The following PFKM variants were observed in gnomAD, a reference collection of about 807,000 sequenced individuals.
The protein encoded by PFKM is ATP-dependent 6-phosphofructokinase, muscle type.
PFKM carries 58 observed loss-of-function variants against 95.5 expected under a neutral mutation model. That is an observed-to-expected ratio of 0.61 (90% CI 0.49 to 0.76). The LOEUF is 0.76. Among genes scored for constraint, PFKM ranks in the 30% least tolerant of loss-of-function variants. The pLI is 0.00. For missense variants in PFKM, 678 were observed against 1,005.4 expected (o/e 0.67, Z 4.40); for synonymous variants, 336 against 357.2 (o/e 0.94, Z 0.67).
At chr12:48,108,275 G>T in intron 3 of PFKM, 1 of 1,312,122 alleles carries the variant, frequency 7.6e-7, no homozygotes, top group East Asian at 2.4e-5. Context: ...TTATAAATCA[G>T]CGTAGACCTA....
chr12:48,107,989 TCATAGGGAAAATGAAAGG>T, intron 2 of PFKM: 2 of 1,425,318 alleles, frequency 1.4e-6, no homozygotes, highest in South Asian at 2.4e-5. Context: ...CAGCTCAGAG[TCATAGGGAAAATGAAAGG>T]GAGTAAGGAA....
intron 10 of PFKM, chr12:48,137,363 A>G (rs1950194489): frequency 3.1e-6 from 1 of 322,146 alleles, no homozygotes; most frequent in African/African-American, 2.2e-5. Context: ...AACCTTAGAC[A>G]CTCAGTTTAA....
intron 20 of PFKM, among the ~76,000 whole-genome samples, chr12:48,144,594 A>G (rs549581184): frequency 6.6e-6 from 1 of 152,284 alleles, no homozygotes; most frequent in Admixed American, 6.5e-5. Context: ...TCTTAATTCA[A>G]AGGAAATCTG....
intron 3 of PFKM, among the ~76,000 whole-genome samples, chr12:48,109,374 C>G (rs1946990815): frequency 6.7e-6 from 1 of 148,372 alleles, no homozygotes; most frequent in South Asian, 2.2e-4. Context: ...CTTTTCTTTC[C>G]TTTTTTCTTT....
intron 11 of PFKM, 44 bp from the exon 12 acceptor site, chr12:48,139,241 A>G: frequency 6.7e-7 from 1 of 1,499,254 alleles, no homozygotes; most frequent in Non-Finnish European, 9.3e-7. Flanking sequence ...GCTGTGCAGA[A>G]TCCTGACCCT....
intron 3 of PFKM, among the ~76,000 whole-genome samples, chr12:48,112,802 G>C (rs929098545): frequency 4.6e-5 from 7 of 152,264 alleles, no homozygotes; most frequent in African/African-American, 1.4e-4. Context: ...AGAGTTTATA[G>C]GTTTTAAAAG....
chr12:48,141,663 T>C, intron 15 of PFKM, 77 bp from the exon 16 acceptor site: 3 of 1,115,196 alleles, frequency 2.7e-6, no homozygotes, highest in Non-Finnish European at 4.1e-6. Context: ...AACTCTAGCT[T>C]TTCTCCCCCT....
chr12:48,105,540 T>C, upstream of PFKM: 1 of 505,412 alleles, frequency 2.0e-6, no homozygotes, highest in Non-Finnish European at 4.0e-6. Context: ...AGTAGGAGAG[T>C]TGGAGAAATG....
At chr12:48,116,742 G>A (rs949439160), upstream of PFKM, among the ~76,000 whole-genome samples, 2 of 152,188 alleles carry the variant, frequency 1.3e-5, no homozygotes, top group African/African-American at 2.4e-5. Flanking sequence ...GCCTCCCAAA[G>A]TGCTGGGATT....
intron 2 of PFKM, chr12:48,125,414 G>C: frequency 7.1e-6 from 3 of 424,852 alleles, no homozygotes; most frequent in Non-Finnish European, 1.4e-5. Flanking sequence ...CCGAGGTTGG[G>C]AGTTCGAGAC....
At chr12:48,141,456 T>C (rs919128036) in intron 15 of PFKM, 75 bp downstream of exon 15, 1 of 1,305,968 alleles carries the variant, frequency 7.7e-7, no homozygotes, top group East Asian at 2.3e-5. Context: ...CATTATGCCA[T>C]GGTCTGCTTC....
At chr12:48,118,181 T>C (rs912315610), upstream of PFKM, among the ~76,000 whole-genome samples, 9 of 152,204 alleles carry the variant, frequency 5.9e-5, no homozygotes, top group Admixed American at 4.6e-4. Flanking sequence ...CATCAACGTC[T>C]GAACTAGTTT....
rs371033104 is a variant in PFKM at position 48,139,279 on chromosome 12, C to A, written c.1063-6C>A. On this transcript the variant is annotated splice_polypyrimidine_tract_variant and splice_region_variant and intron_variant, in intron 11 of 22. Coordinates refer to ENST00000359794, the MANE Select transcript of PFKM (RefSeq NM_000289.6). The stretch of plus-strand genomic sequence containing the variant: ...AGTTGAAACTGTCGCTGTGCTCCCC[C>A]CTCAGACCAAAGATGTGACCAAGGC... 20 of 1,612,514 alleles carry A rather than the reference C, an allele frequency of 1.2e-5. No homozygotes were observed. The highest frequency in any genetic ancestry group is 1.2e-4 in the Admixed American group (7 of 59,990).
intron 1 of PFKM, chr12:48,106,349 C>A (rs1362298737): frequency 7.7e-6 from 4 of 518,278 alleles, no homozygotes; most frequent in Non-Finnish European, 1.4e-5. Flanking sequence ...TCTCTGTTCC[C>A]TCTGCTCCCT....
At chr12:48,106,180 G>C in intron 1 of PFKM, 2 of 698,218 alleles carry the variant, frequency 2.9e-6, no homozygotes, top group Non-Finnish European at 5.2e-6. Context: ...TCAAAGAACA[G>C]AGTTAAGGAC....
In PFKM at chr12:48,141,387, T is replaced by A; in HGVS notation, c.1412+6T>A. The A allele has an allele frequency of 6.2e-7, 1 of 1,612,648 alleles. No homozygotes were observed. The highest frequency in any genetic ancestry group is 8.5e-7 in the Non-Finnish European group (1 of 1,178,616). On this transcript the variant is annotated splice_donor_region_variant and intron_variant, in intron 15 of 22. Coordinates refer to ENST00000359794, the MANE Select transcript of PFKM (RefSeq NM_000289.6). ...TCTAAACTTGGGACTAAAAGGTAAG[T>A]AGCACTGCAGAGGCACCTCCTCCCA...
At chr12:48,123,171 G>A (rs1948460722) in intron 2 of PFKM, among the ~76,000 whole-genome samples, 1 of 152,176 alleles carries the variant, frequency 6.6e-6, no homozygotes. Context: ...TTATTGAGAA[G>A]GCAGTAAGTG....
At chr12:48,118,051 C>T (rs142368398), upstream of PFKM, among the ~76,000 whole-genome samples, 4 of 152,272 alleles carry the variant, frequency 2.6e-5, no homozygotes, top group East Asian at 7.7e-4. Flanking sequence ...GACAAAGCTT[C>T]CAGGTAGCAG....
Position 48,134,953 on chromosome 12 carries a change from G to C in PFKM, c.758G>C (p.Arg253Pro). Residue 253 changes from arginine (R) to proline (P), a missense_variant, in exon 9 of 23, where the codon CGT (arginine) becomes CCT (proline). Arg to Pro is a moderately radical substitution (Grantham distance 103). Coordinates refer to ENST00000359794, the MANE Select transcript of PFKM (RefSeq NM_000289.6). ...TTTGTTCTCAACCAGACAAGGACCC[G>C]TGGTTCTCGTCTCAACATCATCATT... ...LCRRLSETRT[R>P]GSRLNIIIVA... 6.2e-7 allele frequency: 1 copy of C among 1,613,628 alleles called. No homozygotes were observed. Among genetic ancestry groups the C allele is most frequent in the Non-Finnish European group, 8.5e-7 (1 of 1,179,590 alleles).
Sources: gnomAD v4.1 joint callset for allele counts (sites outside exome capture counted in the v4.1 genomes callset) on GRCh38, gnomAD v4.1.1 for gene constraint, MANE v1.5 for transcripts, NCBI Gene and HGNC (gene_info 2026-07-23, HGNC 2026-07-21) for gene names.